Variants in PARP8 observed in about 807,000 individuals in gnomAD.
PARP8 encodes protein mono-ADP-ribosyltransferase PARP8.
In PARP8, 51 loss-of-function variants were observed where a neutral mutation model predicts 124.1. The ratio of observed to expected loss-of-function variants is 0.41; its 90% CI spans 0.33 to 0.52. The LOEUF (loss-of-function observed/expected upper bound fraction) is 0.52, where lower values mean the gene tolerates loss of function less well. Ranked by LOEUF, PARP8 falls within the 20% of genes least tolerant of loss-of-function variation. The probability of loss-of-function intolerance (pLI) is 0.21; values close to 1 mark genes in which losing one functional copy is unlikely to be tolerated. For synonymous variants in PARP8, 391 were observed against 361.5 expected (o/e 1.08, Z -0.93); for missense variants, 860 against 1,018.9 (o/e 0.84, Z 2.12).
intron 5 of PARP8, among the ~76,000 whole-genome samples, chr5:50,761,439 G>A (rs770421304): frequency 5.3e-4 from 81 of 151,914 alleles, no homozygotes; most frequent in Admixed American, 1.8e-3. Flanking sequence ...AGTTGGCAGG[G>A]GAAGTGAGAA....
chr5:50,789,039 C>T (rs1741638166), intron 10 of PARP8, among the ~76,000 whole-genome samples: 1 of 152,168 alleles, frequency 6.6e-6, no homozygotes, highest in Non-Finnish European at 1.5e-5. Flanking sequence ...TCTTACTGGG[C>T]TCTATTGAGG....
At chr5:50,725,253 A>G (rs867800901) in intron 2 of PARP8, among the ~76,000 whole-genome samples, 6 of 151,920 alleles carry the variant, frequency 3.9e-5, no homozygotes, top group Admixed American at 2.6e-4. Context: ...TATTTTATTT[A>G]ACATTTGTAT....
intron 2 of PARP8, chr5:50,739,155 G>A (rs1310237273): frequency 1.4e-6 from 1 of 689,846 alleles, no homozygotes. Context: ...TGAGGCCAAA[G>A]TGTAGGACAC....
chr5:50,666,838 A>C lies in PARP8; in HGVS notation c.-258A>C. The C allele has an allele frequency of 7.6e-7, 1 of 1,320,070 alleles. No individual in the cohort carries two copies. Among genetic ancestry groups the C allele is most frequent in the East Asian group, 3.4e-5 (1 of 29,144 alleles). 81.8% of individuals were successfully genotyped at this position (1,320,070 alleles called of 1,614,324 possible). A position where few individuals can be genotyped will look rare whatever the true frequency, so the allele number is the denominator to read the frequency against. On this transcript the variant is annotated 5_prime_UTR_variant, in exon 1 of 26. Coordinates refer to ENST00000281631, the MANE Select transcript of PARP8 (RefSeq NM_024615.4). ...CCATCCATTGTCAGAAGGGGAGGAA[A>C]TTGGAATCCAGCAGCGGCGAGCAGC... is the stretch of plus-strand genomic sequence containing the variant.
chr5:50,698,761 G>A (rs1444265099), intron 2 of PARP8, among the ~76,000 whole-genome samples: 2 of 152,124 alleles, frequency 1.3e-5, no homozygotes, highest in Non-Finnish European at 2.9e-5. Flanking sequence ...CATGGGACCA[G>A]GAGTTCCTTG....
At chr5:50,789,291 A>G (rs562288900) in intron 10 of PARP8, among the ~76,000 whole-genome samples, 1 of 152,292 alleles carries the variant, frequency 6.6e-6, no homozygotes, top group East Asian at 1.9e-4. Context: ...ATACAATGGC[A>G]CTAGAAAGAA....
At chr5:50,685,648 G>A (rs1293371675) in intron 2 of PARP8, among the ~76,000 whole-genome samples, 3 of 152,146 alleles carry the variant, frequency 2.0e-5, no homozygotes, top group Non-Finnish European at 4.4e-5. Context: ...CCAAGCTGGA[G>A]TACTGTCTTA....
chr5:50,841,969 T>C lies in PARP8; in HGVS notation c.2466T>C (p.Tyr822=). 6.3e-7 allele frequency: 1 copy of C among 1,588,354 alleles called. No homozygotes were observed. The highest frequency in any genetic ancestry group is 8.6e-7 in the Non-Finnish European group (1 of 1,164,670). Residue 822 remains tyrosine, a synonymous_variant, in exon 26 of 26, where the codon TAT becomes TAC. Coordinates refer to ENST00000281631, the MANE Select transcript of PARP8 (RefSeq NM_024615.4). ...ATTTTTATGTTTTGTATTTCAGCTATGAAGACGGCCAAGTGGGAGATGCAA... is the reference window on the plus strand; with the variant it reads ...ATTTTTATGTTTTGTATTTCAGCTACGAAGACGGCCAAGTGGGAGATGCAA... ...DHVCTRFFFV[Y]EDGQVGDANI...
chr5:50,825,132 G>C (rs746449201), intron 18 of PARP8, among the ~76,000 whole-genome samples, 157 bp downstream of exon 18: 33 of 152,206 alleles, frequency 2.2e-4, no homozygotes, highest in Non-Finnish European at 3.8e-4. Context: ...TACAACCTTA[G>C]AGTCCTTAAT....
chr5:50,743,011 A>G (rs1479815758), intron 2 of PARP8, among the ~76,000 whole-genome samples: 1 of 152,198 alleles, frequency 6.6e-6, no homozygotes, highest in Non-Finnish European at 1.5e-5. Context: ...GTAAGAGGAA[A>G]GGAGTGAGAG....
intron 2 of PARP8, among the ~76,000 whole-genome samples, chr5:50,720,655 T>A (rs1343049301): frequency 2.0e-5 from 3 of 152,028 alleles, no homozygotes; most frequent in Non-Finnish European, 4.4e-5. Flanking sequence ...TAGTCCTGAT[T>A]CAGTGCACCA....
chr5:50,800,097 T>G (rs560072008), intron 14 of PARP8, among the ~76,000 whole-genome samples: 11 of 152,360 alleles, frequency 7.2e-5, no homozygotes, highest in African/African-American at 2.6e-4. Context: ...TTATTTAGGC[T>G]TTTAAAATTT....
intron 9 of PARP8, among the ~76,000 whole-genome samples, chr5:50,779,618 AGTGAGTCTTTCATT>A (rs1328144359): frequency 2.0e-5 from 3 of 152,214 alleles, no homozygotes; most frequent in Non-Finnish European, 4.4e-5. Flanking sequence ...GAAAAGACAT[AGTGAGTCTTTCATT>A]GTATTCTGTT....
At chr5:50,825,287 T>C (rs567088601) in intron 18 of PARP8, among the ~76,000 whole-genome samples, 2 of 152,336 alleles carry the variant, frequency 1.3e-5, no homozygotes, top group South Asian at 2.1e-4. Flanking sequence ...CAAAAGCATT[T>C]TGGTTCATTT....
chr5:50,794,852 GGTC>G lies in PARP8; in HGVS notation c.865_867del (p.Ser289del). On this transcript the variant is annotated inframe_deletion and splice_region_variant, in exon 12 of 26. Transcript: ENST00000281631. ...GTAGTAATTGTTGTTCAATTTTGAA[GGTC>G]GCCAAGTTATCCTCCCCCTGGTTGT... is the stretch of plus-strand genomic sequence containing the variant. The G allele has an allele frequency of 6.2e-7, 1 of 1,610,026 alleles. No homozygotes were observed. Among genetic ancestry groups the G allele is most frequent in the Non-Finnish European group, 8.5e-7 (1 of 1,177,510 alleles).
chr5:50,709,953 T>TAC (rs1271777319), intron 2 of PARP8, among the ~76,000 whole-genome samples: 11,488 of 74,210 alleles, frequency 0.15, 524 homozygotes, highest in East Asian at 0.33. Flanking sequence ...TATATATATA[T>TAC]ATACACATAC....
At chr5:50,747,761 CTTTTTTTTTTTTTTTTT>C (rs70972943) in intron 2 of PARP8, among the ~76,000 whole-genome samples, 2 of 52,936 alleles carry the variant, frequency 3.8e-5, no homozygotes, top group South Asian at 7.7e-4. Context: ...ATAGACCTTG[CTTTTTTTTTTTTTTTTT>C]TTTTTTTTTT....
chr5:50,828,233 C>T (rs540145184), intron 20 of PARP8, 79 bp from the exon 21 acceptor site: 109 of 1,411,122 alleles, frequency 7.7e-5, no homozygotes, highest in Middle Eastern at 5.3e-4. Flanking sequence ...CAGAAGGCAC[C>T]ATGACTTATT....
chr5:50,747,154 G>GTTTTGT (rs370243477), intron 2 of PARP8, among the ~76,000 whole-genome samples: 318 of 121,678 alleles, frequency 2.6e-3, no homozygotes, highest in African/African-American at 6.8e-3. Flanking sequence ...TTTTTTGTTT[G>GTTTTGT]TTTGTTTTGT....
Sources: gnomAD v4.1 joint callset for allele counts (sites outside exome capture counted in the v4.1 genomes callset) on GRCh38, gnomAD v4.1.1 for gene constraint, MANE v1.5 for transcripts, NCBI Gene and HGNC (gene_info 2026-07-23, HGNC 2026-07-21) for gene names.